Variants in NME9 observed in about 807,000 individuals in gnomAD.
The protein encoded by NME9 is NME/NM23 family member 9.
Under a neutral mutation model 44.4 loss-of-function variants are expected in NME9, and 48 were observed. The observed-to-expected ratio is 1.08, with a 90% CI of 0.86 to 1.37. NME9 has a LOEUF of 1.37. Among genes scored for constraint, NME9 ranks in the 40% most tolerant of loss-of-function variants. The pLI, the probability that NME9 is intolerant of heterozygous loss-of-function variation, is 0.00. For synonymous variants in NME9, 139 were observed against 147.1 expected (o/e 0.94, Z 0.40); for missense variants, 325 against 405.2 (o/e 0.80, Z 1.70).
At chr3:138,292,167 A>G (rs2051014925) in intron 8 of NME9, among the ~76,000 whole-genome samples, 1 of 152,072 alleles carries the variant, frequency 6.6e-6, no homozygotes, top group Non-Finnish European at 1.5e-5. Flanking sequence ...CCTCCCAGGT[A>G]GCTGGGATTA....
intron 8 of NME9, among the ~76,000 whole-genome samples, chr3:138,288,188 G>C (rs1194356043): frequency 6.6e-6 from 1 of 152,192 alleles, no homozygotes; most frequent in Non-Finnish European, 1.5e-5. Context: ...GCCATTTATA[G>C]ATTGTGTGTG....
At chr3:138,309,380 T>C (rs1004443590) in intron 6 of NME9, among the ~76,000 whole-genome samples, 2 of 151,882 alleles carry the variant, frequency 1.3e-5, no homozygotes, top group African/African-American at 2.4e-5. Flanking sequence ...AAAGAAGACA[T>C]TTGAGGTATA....
In NME9 at chr3:138,306,362, A is replaced by G. The variant is rs1048099370; in HGVS notation, c.543+36T>C. The G allele has an allele frequency of 1.1e-5, 16 of 1,453,910 alleles. No homozygotes were observed. The Admixed American group carries it at 1.3e-4, about 12-fold the overall frequency. 90.1% of individuals were successfully genotyped at this position (1,453,910 alleles called of 1,614,324 possible). On this transcript the variant is annotated intron_variant, in intron 7 of 10. Transcript: ENST00000333911. The stretch of plus-strand genomic sequence containing the variant: ...CTGTTTATCCACAAAAGAGGACACA[A>G]GGACAGTGGTGCATGGTAAGTGTTG...
chr3:138,301,634 G>A lies in NME9; in HGVS notation c.*6C>T, dbSNP rs1277059600. The stretch of plus-strand genomic sequence containing the variant: ...TCACGTGCTCTGGAAGAGCAGCACA[G>A]CCATCTCAATCCACATCCTCAGGAA... On this transcript the variant is annotated 3_prime_UTR_variant, in exon 11 of 11. Coordinates refer to ENST00000333911, the MANE Select transcript of NME9 (RefSeq NM_001349018.2). The A allele has an allele frequency of 6.5e-7, 1 of 1,536,132 alleles. No homozygotes were observed. The highest frequency in any genetic ancestry group is 1.4e-5 in the African/African-American group (1 of 73,186).
At chr3:138,288,628 C>T (rs1391300576) in intron 8 of NME9, among the ~76,000 whole-genome samples, 1 of 146,036 alleles carries the variant, frequency 6.8e-6, no homozygotes, top group African/African-American at 2.5e-5. Flanking sequence ...GAGGACTCTT[C>T]TTCAGACTTT....
intron 8 of NME9, among the ~76,000 whole-genome samples, chr3:138,271,107 A>G (rs907032471): frequency 6.6e-6 from 1 of 152,152 alleles, no homozygotes; most frequent in Non-Finnish European, 1.5e-5. Flanking sequence ...GTTCCATGCT[A>G]TATCTGCTGT....
intron 5 of NME9, among the ~76,000 whole-genome samples, chr3:138,314,754 T>C (rs1365622592): frequency 6.6e-6 from 1 of 152,202 alleles, no homozygotes; most frequent in Non-Finnish European, 1.5e-5. Flanking sequence ...TAATATTCCC[T>C]TGGAGGAGGC....
chr3:138,292,320 G>A (rs144637835), intron 8 of NME9, among the ~76,000 whole-genome samples: 192 of 152,344 alleles, frequency 1.3e-3, no homozygotes, highest in African/African-American at 4.4e-3. Context: ...GATGACAGGC[G>A]TGAGCCACCA....
At chr3:138,261,841 G>C (rs1392721088) in exon 9 of NME9, 1 of 152,190 alleles carries the variant, frequency 6.6e-6, no homozygotes. Context: ...GAGACCTTTC[G>C]TCAGAAGTGG....
At chr3:138,312,992 G>T (rs893050268) in intron 6 of NME9, among the ~76,000 whole-genome samples, 30 of 152,154 alleles carry the variant, frequency 2.0e-4, no homozygotes, top group Non-Finnish European at 2.9e-4. Flanking sequence ...AATGGCCAGT[G>T]GGTATATGAA....
chr3:138,306,205 G>T, intron 7 of NME9, 109 bp from the exon 8 acceptor site: 1 of 881,402 alleles, frequency 1.1e-6, no homozygotes, highest in Non-Finnish European at 1.9e-6. Context: ...ATTAAAGGCT[G>T]TGGAGACACT....
At position 138,277,975 on chromosome 3, in the gene NME9, C is replaced by T. The variant is rs76192335; in HGVS notation, c.746-15389G>A. ...ACATGGATGAATCTCAAATGCATTA[C>T]GCTACATGAAAGATGCCAGATACAA... On this transcript the variant is annotated intron_variant, in intron 8 of 8. Coordinates refer to the NME9 transcript ENST00000317876. Among the ~76,000 whole-genome samples the T allele has an allele frequency of 1.9e-3, 284 of 152,214 alleles. 1 individual carries two copies. The highest frequency in any genetic ancestry group is 6.3e-3 in the African/African-American group (263 of 41,528).
chr3:138,269,764 C>A (rs1440586965), intron 8 of NME9, among the ~76,000 whole-genome samples: 1 of 151,182 alleles, frequency 6.6e-6, no homozygotes, highest in African/African-American at 2.4e-5. Flanking sequence ...CTCCTGAATC[C>A]TCCAGGACTA....
At chr3:138,289,823 C>T (rs2050770831) in intron 8 of NME9, among the ~76,000 whole-genome samples, 1 of 152,076 alleles carries the variant, frequency 6.6e-6, no homozygotes, top group Non-Finnish European at 1.5e-5. Flanking sequence ...GATTTCTGGG[C>T]CCCATCCCTA....
At chr3:138,312,527 G>A (rs1479736234) in intron 6 of NME9, among the ~76,000 whole-genome samples, 1 of 152,178 alleles carries the variant, frequency 6.6e-6, no homozygotes, top group East Asian at 1.9e-4. Context: ...TTCAATAAAT[G>A]GTGCTGGTTA....
At chr3:138,324,470 C>T in intron 2 of NME9, 2 of 460,546 alleles carry the variant, frequency 4.3e-6, no homozygotes, top group Non-Finnish European at 8.7e-6. Context: ...GGCCCATAGA[C>T]AGTGGCCTGC....
At chr3:138,323,503 G>A (rs576887865) in intron 2 of NME9, among the ~76,000 whole-genome samples, 2 of 152,366 alleles carry the variant, frequency 1.3e-5, no homozygotes, top group Admixed American at 6.5e-5. Context: ...CAAGTGGGGT[G>A]TGTGCTGGAG....
chr3:138,316,659 G>A (rs1234196999), intron 4 of NME9, among the ~76,000 whole-genome samples: 1 of 152,074 alleles, frequency 6.6e-6, no homozygotes, highest in Non-Finnish European at 1.5e-5. Context: ...TTGTTGCCCA[G>A]GCTGGAGTTC....
At chr3:138,314,223 C>A (rs1334119071) in intron 6 of NME9, 109 bp downstream of exon 6, 1 of 584,050 alleles carries the variant, frequency 1.7e-6, no homozygotes, top group South Asian at 3.3e-5. Flanking sequence ...ATTAAAAAAT[C>A]TTCTCATAGT....
Sources: allele counts gnomAD v4.1 joint callset (sites outside exome capture counted in the v4.1 genomes callset), GRCh38; gene constraint gnomAD v4.1.1; transcripts MANE v1.5; gene names NCBI Gene and HGNC (gene_info 2026-07-23, HGNC 2026-07-21).